NRG1: variants seen among roughly 807,000 people sequenced by gnomAD.
NRG1 encodes the protein neuregulin 1.
A neutral mutation model predicts 63.8 loss-of-function variants in NRG1; 18 were observed. That is an observed-to-expected ratio of 0.28 (90% CI 0.19 to 0.42). The LOEUF is 0.42. Among genes scored for constraint, NRG1 ranks in the 10% least tolerant of loss-of-function variants. The pLI, the probability that NRG1 is intolerant of heterozygous loss-of-function variation, is 1.00. For missense variants in NRG1, 762 were observed against 814.7 expected (o/e 0.94, Z 0.79); for synonymous variants, 302 against 301.3 (o/e 1.00, Z -0.02).
intron 1 of NRG1, among the ~76,000 whole-genome samples, chr8:32,438,143 G>A (rs1232614040): frequency 6.6e-6 from 1 of 152,044 alleles, no homozygotes; most frequent in Non-Finnish European, 1.5e-5. Flanking sequence ...TTTCATCCAG[G>A]CATCCCCTGT....
intron 1 of NRG1, among the ~76,000 whole-genome samples, chr8:32,009,818 G>T (rs981275734): frequency 1.3e-5 from 2 of 151,994 alleles, no homozygotes; most frequent in Non-Finnish European, 2.9e-5. Context: ...CAATGTCAGA[G>T]GCCTGATTGA....
chr8:32,173,276 A>G (rs28790720), intron 1 of NRG1, among the ~76,000 whole-genome samples: 13,935 of 152,092 alleles, frequency 0.092, 775 homozygotes, highest in African/African-American at 0.14. Context: ...AATCCTTTAC[A>G]GACAAGCAAA....
At chr8:31,742,481 T>TTTTTTTTTTTTTTTTATTA (rs1815391455) in intron 1 of NRG1, among the ~76,000 whole-genome samples, 1 of 134,216 alleles carries the variant, frequency 7.5e-6, no homozygotes, top group African/African-American at 2.7e-5. Flanking sequence ...TTTTTTTTTT[T>TTTTTTTTTTTTTTTTATTA]AACGAAAGCT....
intron 1 of NRG1, among the ~76,000 whole-genome samples, chr8:32,308,221 CCTTCG>C (rs550861424): frequency 2.0e-5 from 3 of 152,142 alleles, no homozygotes; most frequent in Non-Finnish European, 4.4e-5. Context: ...CATTTAGAAT[CCTTCG>C]CTTTCCAAGA....
intron 1 of NRG1, among the ~76,000 whole-genome samples, chr8:32,013,315 C>G (rs552104226): frequency 6.6e-6 from 1 of 152,140 alleles, no homozygotes; most frequent in Non-Finnish European, 1.5e-5. Context: ...GGAAGAGGAA[C>G]CACTTTGCTG....
intron 1 of NRG1, among the ~76,000 whole-genome samples, chr8:31,933,293 T>A (rs1207669029): frequency 6.6e-6 from 1 of 152,192 alleles, no homozygotes; most frequent in African/African-American, 2.4e-5. Context: ...TCGTTTTTTT[T>A]TTTTGAGACA....
At chr8:32,339,880 A>G (rs1314424626) in intron 1 of NRG1, among the ~76,000 whole-genome samples, 1 of 152,044 alleles carries the variant, frequency 6.6e-6, no homozygotes, top group Non-Finnish European at 1.5e-5. Context: ...AAAGGCTTCT[A>G]CTATTGTTTC....
chr8:32,525,485 A>AAGTCATC (rs1449916907), intron 1 of NRG1, among the ~76,000 whole-genome samples: 1 of 151,812 alleles, frequency 6.6e-6, no homozygotes, highest in Admixed American at 6.6e-5. Flanking sequence ...AGGAAGATAG[A>AAGTCATC]AGTCATCATC....
intron 1 of NRG1, among the ~76,000 whole-genome samples, chr8:32,056,037 A>G (rs1586781901): frequency 6.6e-6 from 1 of 152,162 alleles, no homozygotes; most frequent in Non-Finnish European, 1.5e-5. Flanking sequence ...TCAAGTCAAC[A>G]ACAATTCACA....
intron 1 of NRG1, among the ~76,000 whole-genome samples, chr8:31,961,548 T>C (rs1805452584): frequency 6.6e-6 from 1 of 152,212 alleles, no homozygotes; most frequent in Non-Finnish European, 1.5e-5. Flanking sequence ...AAATAGTTTG[T>C]GTAAACTATA....
intron 1 of NRG1, among the ~76,000 whole-genome samples, chr8:31,876,030 A>AAAACAAACAAACAAACAAAC (rs4035778): frequency 6.7e-6 from 1 of 149,394 alleles, no homozygotes; most frequent in Non-Finnish European, 1.5e-5. Context: ...TCTGTCCTAA[A>AAAACAAACAAACAAACAAAC]AAACAAACAA....
At chr8:32,763,075 CTG>C in intron 11 of NRG1, 1 of 824,114 alleles carries the variant, frequency 1.2e-6, no homozygotes, top group Non-Finnish European at 1.9e-6. Flanking sequence ...TTACCTTTGA[CTG>C]TGTTTGTTGG....
chr8:32,289,493 A>T (rs1285763881), intron 1 of NRG1, among the ~76,000 whole-genome samples: 1 of 152,162 alleles, frequency 6.6e-6, no homozygotes, highest in Non-Finnish European at 1.5e-5. Context: ...TATGCTTTCG[A>T]AGTTACATAA....
intron 1 of NRG1, among the ~76,000 whole-genome samples, chr8:32,372,703 G>T (rs1373139572): frequency 6.6e-6 from 1 of 152,202 alleles, no homozygotes; most frequent in African/African-American, 2.4e-5. Flanking sequence ...CTGGGGAGAA[G>T]TCAGCCCTCC....
chr8:31,913,211 A>G (rs1400847574), intron 1 of NRG1, among the ~76,000 whole-genome samples: 1 of 152,232 alleles, frequency 6.6e-6, no homozygotes, highest in Non-Finnish European at 1.5e-5. Flanking sequence ...CTACTGTGGT[A>G]TAAAACAATA....
chr8:32,034,375 C>T (rs917427645), intron 1 of NRG1, among the ~76,000 whole-genome samples: 7 of 152,252 alleles, frequency 4.6e-5, no homozygotes, highest in African/African-American at 1.4e-4. Context: ...AAAATTTTTG[C>T]ATCAATGTTC....
chr8:32,061,145 G>A (rs1442328880), intron 1 of NRG1, among the ~76,000 whole-genome samples: 1 of 151,810 alleles, frequency 6.6e-6, no homozygotes, highest in African/African-American at 2.4e-5. Flanking sequence ...ATCTCTGAAA[G>A]GAGTGAAGGC....
chr8:31,719,086 C>T (rs1182617872), intron 1 of NRG1, among the ~76,000 whole-genome samples: 1 of 152,078 alleles, frequency 6.6e-6, no homozygotes, highest in Non-Finnish European at 1.5e-5. Flanking sequence ...AACTGATCAC[C>T]TGATTTTGTT....
chr8:31,989,253 C>CAAAAA lies in NRG1; in HGVS notation c.37+349838_37+349842dup, dbSNP rs10692906. Among the ~76,000 whole-genome samples the CAAAAA allele has an allele frequency of 8.1e-3, 383 of 47,522 alleles. 66 individuals are homozygous for CAAAAA. Among genetic ancestry groups the CAAAAA allele is most frequent in the South Asian group, 0.015 (11 of 710 alleles). 31.2% of individuals were successfully genotyped at this position (47,522 alleles called of 152,430 possible). A position where few individuals can be genotyped will look rare whatever the true frequency, so the allele number is the denominator to read the frequency against. ...CCTGGGTGAGAGAGAGACTCTGTCTCAAAAAAAAAAAAAAAAAAAAGAACA... is the reference window on the plus strand; with the variant it reads ...CCTGGGTGAGAGAGAGACTCTGTCTCAAAAAAAAAAAAAAAAAAAAAAAAAGAACA... On this transcript the variant is annotated intron_variant, in intron 1 of 10. Coordinates refer to the NRG1 transcript ENST00000519301.
Sources: allele counts gnomAD v4.1 joint callset (sites outside exome capture counted in the v4.1 genomes callset), GRCh38; gene constraint gnomAD v4.1.1; transcripts MANE v1.5; gene names NCBI Gene and HGNC (gene_info 2026-07-23, HGNC 2026-07-21).